The following HS3ST5 variants were observed in gnomAD, a reference collection of about 807,000 sequenced individuals.
HS3ST5 encodes the protein heparan sulfate glucosamine 3-O-sulfotransferase 5.
A neutral mutation model predicts 25.4 loss-of-function variants in HS3ST5; 10 were observed. That is an observed-to-expected ratio of 0.39 (90% CI 0.24 to 0.67). The LOEUF (loss-of-function observed/expected upper bound fraction) is 0.67, where lower values mean the gene tolerates loss of function less well. HS3ST5 is among the 30% of genes least tolerant of loss of function. HS3ST5 has a pLI of 0.44. For synonymous variants in HS3ST5, 170 were observed against 162.4 expected (o/e 1.05, Z -0.36); for missense variants, 324 against 420.7 (o/e 0.77, Z 2.01).
intron 3 of HS3ST5, among the ~76,000 whole-genome samples, chr6:114,139,014 T>G (rs1777773266): frequency 6.6e-6 from 1 of 152,140 alleles, no homozygotes; most frequent in South Asian, 2.1e-4. Flanking sequence ...TGTCCTCACC[T>G]TGGAGTTAGG....
At chr6:114,315,515 C>T (rs1775711357) in intron 1 of HS3ST5, among the ~76,000 whole-genome samples, 2 of 152,004 alleles carry the variant, frequency 1.3e-5, no homozygotes, top group African/African-American at 2.4e-5. Context: ...ATTTAGTATA[C>T]ATATTTTAAT....
rs999000983 is a variant in HS3ST5, at chr6:114,240,464, G to A, written c.-338-11686C>T. ...AGATGTAGTATGTGAAAGGAGAGGA[G>A]AGGAGCTATCTGGTATTTATCCACT... On this transcript the variant is annotated intron_variant, in intron 1 of 4. Coordinates refer to ENST00000312719, the MANE Select transcript of HS3ST5 (RefSeq NM_153612.4). Among the ~76,000 whole-genome samples, 9 of 152,172 alleles carry A rather than the reference G, an allele frequency of 5.9e-5. 1 individual carries two copies. The highest frequency in any genetic ancestry group is 5.9e-4 in the Admixed American group (9 of 15,280).
chr6:114,207,175 A>T (rs1781307669), intron 2 of HS3ST5, among the ~76,000 whole-genome samples: 1 of 152,184 alleles, frequency 6.6e-6, no homozygotes, highest in South Asian at 2.1e-4. Flanking sequence ...CTTACCCAGC[A>T]TCAGTGGCTT....
chr6:114,133,831 GAC>G (rs926690230), intron 3 of HS3ST5, among the ~76,000 whole-genome samples: 9 of 152,176 alleles, frequency 5.9e-5, no homozygotes, highest in Non-Finnish European at 1.2e-4. Context: ...GCTTGTTCAG[GAC>G]AGTTTCCAGG....
intron 3 of HS3ST5, chr6:114,084,439 T>G: frequency 2.6e-6 from 2 of 756,554 alleles, no homozygotes; most frequent in Non-Finnish European, 4.8e-6. Flanking sequence ...CTCTTCAGGA[T>G]CTCTGTAGAA....
chr6:114,069,301 A>G (rs1339359871), intron 3 of HS3ST5, among the ~76,000 whole-genome samples: 4 of 151,712 alleles, frequency 2.6e-5, no homozygotes, highest in African/African-American at 9.7e-5. Flanking sequence ...CTGTGTTCAT[A>G]TGTTCATATG....
chr6:114,274,689 T>C (rs1249281216), intron 1 of HS3ST5, among the ~76,000 whole-genome samples: 1 of 152,040 alleles, frequency 6.6e-6, no homozygotes, highest in African/African-American at 2.4e-5. Context: ...ATTGAGATTA[T>C]AAAGGATATT....
chr6:114,136,495 C>G (rs1331395607), intron 3 of HS3ST5, among the ~76,000 whole-genome samples: 2 of 152,196 alleles, frequency 1.3e-5, no homozygotes, highest in Non-Finnish European at 2.9e-5. Context: ...TCGGATATAT[C>G]TTTATTAGCA....
At chr6:114,211,417 G>A (rs962597215) in intron 2 of HS3ST5, among the ~76,000 whole-genome samples, 5 of 152,042 alleles carry the variant, frequency 3.3e-5, no homozygotes, top group Non-Finnish European at 7.4e-5. Context: ...ACATCTGTAA[G>A]TTTTATTTCC....
rs146666710 is a variant in HS3ST5, at chr6:114,074,598, A to T, written c.-32-11721T>A. On this transcript the variant is annotated intron_variant, in intron 3 of 4. Transcript: ENST00000312719. Reference sequence around the variant, plus strand: ...ACAGAGGCCTGTTTTCAATTCTGAGACCCCTGTGATCCTTTTCTTTCTCTT... The same window carrying T: ...ACAGAGGCCTGTTTTCAATTCTGAGTCCCCTGTGATCCTTTTCTTTCTCTT... Among the ~76,000 whole-genome samples the T allele has an allele frequency of 4.5e-4, 68 of 151,862 alleles. 2 individuals are homozygous for T. The East Asian group carries it at 0.011, about 25-fold the overall frequency.
intron 1 of HS3ST5, among the ~76,000 whole-genome samples, chr6:114,256,163 C>T (rs1472440934): frequency 6.6e-6 from 1 of 152,054 alleles, no homozygotes; most frequent in Non-Finnish European, 1.5e-5. Flanking sequence ...CCAAGGTGGG[C>T]AGATCACAAG....
intron 2 of HS3ST5, among the ~76,000 whole-genome samples, chr6:114,226,054 C>T (rs1771267094): frequency 6.6e-6 from 1 of 151,888 alleles, no homozygotes; most frequent in African/African-American, 2.4e-5. Flanking sequence ...CGTAGGCCAA[C>T]CGCAGCTGGT....
intron 1 of HS3ST5, among the ~76,000 whole-genome samples, chr6:114,278,524 AAT>A (rs1459812191): frequency 2.0e-5 from 3 of 151,840 alleles, no homozygotes; most frequent in African/African-American, 7.2e-5. Flanking sequence ...TTATTTCTAA[AAT>A]ACTGATACTT....
intron 2 of HS3ST5, among the ~76,000 whole-genome samples, chr6:114,171,662 T>G (rs1779478943): frequency 6.6e-6 from 1 of 152,176 alleles, no homozygotes; most frequent in South Asian, 2.1e-4. Flanking sequence ...AAGGAATACG[T>G]AATTCATACT....
chr6:114,280,265 T>C (rs907856921), intron 1 of HS3ST5, among the ~76,000 whole-genome samples: 1 of 151,920 alleles, frequency 6.6e-6, no homozygotes, highest in African/African-American at 2.4e-5. Flanking sequence ...CACAATGGGA[T>C]ACTCTACCCC....
At chr6:114,116,672 C>T (rs868204884) in intron 3 of HS3ST5, among the ~76,000 whole-genome samples, 4 of 152,070 alleles carry the variant, frequency 2.6e-5, no homozygotes, top group Middle Eastern at 3.2e-3. Flanking sequence ...CCTTCCACTT[C>T]CCACCTCCTT....
chr6:114,198,691 G>A (rs1260064488), intron 2 of HS3ST5, among the ~76,000 whole-genome samples: 1 of 152,094 alleles, frequency 6.6e-6, no homozygotes, highest in Non-Finnish European at 1.5e-5. Flanking sequence ...AGAAATAATT[G>A]TGCATAGTTG....
chr6:114,115,174 A>G (rs889007667), intron 3 of HS3ST5, among the ~76,000 whole-genome samples: 1 of 152,118 alleles, frequency 6.6e-6, no homozygotes, highest in Admixed American at 6.6e-5. Flanking sequence ...AAAGTAACAC[A>G]TGAATTTTAG....
intron 1 of HS3ST5, among the ~76,000 whole-genome samples, chr6:114,324,948 A>C (rs1268128858): frequency 1.9e-4 from 29 of 152,346 alleles, no homozygotes; most frequent in Admixed American, 1.9e-3. Flanking sequence ...GTACTGTCAA[A>C]CTAGGAAATG....
Sources: gnomAD v4.1 joint callset for allele counts (sites outside exome capture counted in the v4.1 genomes callset) on GRCh38, gnomAD v4.1.1 for gene constraint, MANE v1.5 for transcripts, NCBI Gene and HGNC (gene_info 2026-07-23, HGNC 2026-07-21) for gene names.